CATSPERT: variants seen among roughly 807,000 people sequenced by gnomAD.
CATSPERT encodes the protein catsper channel auxiliary subunit tau, also known as cation channel sperm-associated targeting subunit tau.
chr2:201,529,575 C>T, the CATSPERT span, among the ~76,000 whole-genome samples: 1 of 152,076 alleles, frequency 6.6e-6, no homozygotes, highest in African/African-American at 2.4e-5. Flanking sequence ...ACTTATCTCA[C>T]ACCATACACA....
At chr2:201,582,504 T>G in the CATSPERT span, among the ~76,000 whole-genome samples, 1 of 152,140 alleles carries the variant, frequency 6.6e-6, no homozygotes, top group South Asian at 2.1e-4. Context: ...ACCCATTACC[T>G]ACATTCTCTT....
At chr2:201,613,268 G>A in the CATSPERT span, among the ~76,000 whole-genome samples, 4 of 152,216 alleles carry the variant, frequency 2.6e-5, no homozygotes, top group African/African-American at 7.2e-5. Flanking sequence ...GTGGGTCCCT[G>A]ACCCCCGAGT....
At chr2:201,525,644 T>C in the CATSPERT span, among the ~76,000 whole-genome samples, 1 of 152,016 alleles carries the variant, frequency 6.6e-6, no homozygotes, top group Non-Finnish European at 1.5e-5. Context: ...AAAATGGAGA[T>C]GTGAAAACTG....
the CATSPERT span, chr2:201,571,862 A>C: frequency 1.5e-6 from 2 of 1,347,530 alleles, no homozygotes; most frequent in Admixed American, 3.7e-5. Context: ...TAACTCCACC[A>C]AAATGCTCCA....
the CATSPERT span, among the ~76,000 whole-genome samples, chr2:201,563,916 G>T: frequency 5.3e-5 from 8 of 152,176 alleles, no homozygotes; most frequent in Admixed American, 5.2e-4. Flanking sequence ...CCATCATTTG[G>T]TGCCATTTTT....
At chr2:201,555,138 T>C in the CATSPERT span, 2 of 152,212 alleles carry the variant, frequency 1.3e-5, no homozygotes, top group African/African-American at 4.8e-5. Context: ...ACTAATGGAA[T>C]ATATAGCTTA....
At chr2:201,574,561 A>G in the CATSPERT span, among the ~76,000 whole-genome samples, 2 of 152,184 alleles carry the variant, frequency 1.3e-5, no homozygotes, top group South Asian at 4.1e-4. Flanking sequence ...GCTGACATAC[A>G]TATATACACG....
the CATSPERT span, among the ~76,000 whole-genome samples, chr2:201,600,453 G>A: frequency 6.6e-6 from 1 of 152,152 alleles, no homozygotes; most frequent in Non-Finnish European, 1.5e-5. Context: ...GAGGGCTGGG[G>A]AAGGGATAGC....
chr2:201,555,740 T>G, the CATSPERT span: 1 of 152,156 alleles, frequency 6.6e-6, no homozygotes, highest in Non-Finnish European at 1.5e-5. Context: ...CTCCCTTTAA[T>G]AACAACATGA....
At chr2:201,515,645 T>G in the CATSPERT span, among the ~76,000 whole-genome samples, 2 of 152,174 alleles carry the variant, frequency 1.3e-5, no homozygotes, top group African/African-American at 4.8e-5. Context: ...ATCTTACACA[T>G]AGGGCACTCA....
At chr2:201,558,794 TCCTCTGGGGGACAGTGG>T in the CATSPERT span, among the ~76,000 whole-genome samples, 1 of 152,072 alleles carries the variant, frequency 6.6e-6, no homozygotes, top group Admixed American at 6.5e-5. Flanking sequence ...AAGCGCACCC[TCCTCTGGGGGACAGTGG>T]CCACTGCACC....
the CATSPERT span, among the ~76,000 whole-genome samples, chr2:201,575,800 A>G: frequency 6.6e-6 from 1 of 152,210 alleles, no homozygotes; most frequent in South Asian, 2.1e-4. Flanking sequence ...TAATAGAAAT[A>G]AAGTGCACAA....
At chr2:201,487,879 A>T in the CATSPERT span, 1 of 1,610,336 alleles carries the variant, frequency 6.2e-7, no homozygotes, top group Non-Finnish European at 8.5e-7. Flanking sequence ...TGTCATGTAA[A>T]TCCTCAAATT....
the CATSPERT span, among the ~76,000 whole-genome samples, chr2:201,569,990 T>C: frequency 1.3e-5 from 2 of 152,072 alleles, no homozygotes; most frequent in Admixed American, 1.3e-4. Context: ...GAGACCAGCC[T>C]GGGCAACATG....
the CATSPERT span, among the ~76,000 whole-genome samples, chr2:201,530,514 G>A: frequency 3.3e-5 from 5 of 152,348 alleles, no homozygotes; most frequent in East Asian, 9.6e-4. Context: ...GAATTAGCAA[G>A]GACAAGGTTT....
chr2:201,568,250 C>T, the CATSPERT span, among the ~76,000 whole-genome samples: 5 of 152,142 alleles, frequency 3.3e-5, no homozygotes, highest in Non-Finnish European at 7.4e-5. Flanking sequence ...GTAGTTGCTA[C>T]TTCTTGCTCA....
chr2:201,613,801 A>C, the CATSPERT span, among the ~76,000 whole-genome samples: 1 of 152,192 alleles, frequency 6.6e-6, no homozygotes, highest in Non-Finnish European at 1.5e-5. Context: ...AAAGAAGCTA[A>C]AAACCTTGAA....
the CATSPERT span, among the ~76,000 whole-genome samples, chr2:201,577,029 A>G: frequency 6.6e-6 from 1 of 152,206 alleles, no homozygotes; most frequent in South Asian, 2.1e-4. Flanking sequence ...CCAAAATGAC[A>G]CAGAAGTAAA....
At chr2:201,570,819 A>G in the CATSPERT span, among the ~76,000 whole-genome samples, 3 of 152,100 alleles carry the variant, frequency 2.0e-5, no homozygotes, top group Admixed American at 2.0e-4. Context: ...CTATCAAGAG[A>G]ATGTGTCCCC....
Sources: gnomAD v4.1 joint callset for allele counts (sites outside exome capture counted in the v4.1 genomes callset) on GRCh38, gnomAD v4.1.1 for gene constraint, MANE v1.5 for transcripts, NCBI Gene and HGNC (gene_info 2026-07-23, HGNC 2026-07-21) for gene names.